Variants in ABCC11 observed in about 807,000 individuals in gnomAD.
ABCC11 encodes ATP binding cassette subfamily C member 11.
A neutral mutation model predicts 149.3 loss-of-function variants in ABCC11; 135 were observed. The ratio of observed to expected loss-of-function variants is 0.90; its 90% confidence interval spans 0.79 to 1.04. ABCC11 has a LOEUF of 1.04. Among genes scored for constraint, ABCC11 ranks in the 50% least tolerant of loss-of-function variants. The probability of loss-of-function intolerance (pLI) is 0.00; values close to 1 mark genes in which losing one functional copy is unlikely to be tolerated. For synonymous variants in ABCC11, 665 were observed against 671.4 expected (o/e 0.99, Z 0.15); for missense variants, 1,680 against 1,722.1 (o/e 0.98, Z 0.43).
At chr16:48,231,734 G>A in intron 2 of ABCC11, 89 bp downstream of exon 2, 1 of 1,527,542 alleles carries the variant, frequency 6.5e-7, no homozygotes. Flanking sequence ...AATAAGTATG[G>A]GAAGAAATTG....
intron 1 of ABCC11, among the ~76,000 whole-genome samples, chr16:48,242,973 C>G (rs562720343): frequency 5.2e-4 from 79 of 151,854 alleles, no homozygotes; most frequent in African/African-American, 1.9e-3. Flanking sequence ...GTGAGTGCAG[C>G]AAACCAACAT....
chr16:48,194,740 G>A (rs896928708), intron 18 of ABCC11, among the ~76,000 whole-genome samples: 7 of 152,184 alleles, frequency 4.6e-5, no homozygotes, highest in Non-Finnish European at 4.4e-5. Flanking sequence ...AGGACACAGC[G>A]TTCAAGGCGC....
chr16:48,169,866 G>A (rs1965589013), intron 28 of ABCC11, among the ~76,000 whole-genome samples: 1 of 152,076 alleles, frequency 6.6e-6, no homozygotes, highest in Non-Finnish European at 1.5e-5. Context: ...GTATACATAT[G>A]TAACAAACCT....
intron 1 of ABCC11, among the ~76,000 whole-genome samples, chr16:48,238,934 TAAAAAAA>T (rs3048246): frequency 8.1e-4 from 33 of 40,572 alleles, no homozygotes; most frequent in African/African-American, 3.6e-3. Flanking sequence ...AGACTCTGTC[TAAAAAAA>T]AAAAAAAAAA....
In ABCC11 at chr16:48,227,875, C is replaced by A; in HGVS notation, c.326G>T (p.Arg109Leu). Residue 109 changes from arginine (R) to leucine (L), a missense_variant, in exon 4 of 30, where the codon CGG becomes CTG. Physicochemically the swap from Arg to Leu is moderately radical, Grantham distance 102 (BLOSUM62 -2). Transcript: ENST00000356608. ...WLTPLMIQSL[R>L]SRLDENTIPP... ...GATGGTGTTCTCATCTAAGCGACTC[C>A]GTAAGCTTTGGATCATGAGCGGGGT... 1 of 1,614,046 alleles carries A rather than the reference C, an allele frequency of 6.2e-7. No individual in the cohort carries two copies. The highest frequency in any genetic ancestry group is 1.1e-5 in the South Asian group (1 of 91,074).
intron 1 of ABCC11, among the ~76,000 whole-genome samples, chr16:48,234,759 G>T (rs183597803): frequency 7.2e-5 from 11 of 152,284 alleles, no homozygotes; most frequent in Admixed American, 6.5e-4. Context: ...GTGGGACAGG[G>T]GAGGCCTAGC....
intron 2 of ABCC11, among the ~76,000 whole-genome samples, 166 bp from the exon 3 acceptor site, chr16:48,230,739 G>A (rs960411136): frequency 6.6e-6 from 1 of 151,894 alleles, no homozygotes; most frequent in Non-Finnish European, 1.5e-5. Flanking sequence ...CAGGGCAACT[G>A]GATCCCAGCA....
chr16:48,178,822 G>T, intron 23 of ABCC11, 136 bp from the exon 24 acceptor site: 1 of 750,690 alleles, frequency 1.3e-6, no homozygotes, highest in East Asian at 2.7e-5. Flanking sequence ...AGCAAGAATG[G>T]AGCAGAGGCC....
At position 48,166,991 on chromosome 16, in the gene ABCC11, T is replaced by C. The variant is rs1965370304; in HGVS notation, c.*283A>G. The stretch of plus-strand genomic sequence containing the variant: ...AACACAGATCAGAAAACTATAAGCT[T>C]TTACCTTATTATAAAATTATTCAGC... On this transcript the variant is annotated 3_prime_UTR_variant, in exon 30 of 30. Coordinates refer to ENST00000356608, the MANE Select transcript of ABCC11 (RefSeq NM_001370497.1). 2.4e-6 allele frequency: 1 copy of C among 415,310 alleles called. No homozygotes were observed. The highest frequency in any genetic ancestry group is 4.4e-6 in the Non-Finnish European group (1 of 228,424). The allele number at this position is 415,310 out of a possible 1,614,324, so 25.7% of individuals were successfully genotyped here.
intron 23 of ABCC11, among the ~76,000 whole-genome samples, chr16:48,179,586 A>G (rs968843019): frequency 2.0e-5 from 3 of 152,190 alleles, no homozygotes; most frequent in African/African-American, 4.8e-5. Flanking sequence ...TCCATGTCCC[A>G]AAGTGCAGCA....
intron 20 of ABCC11, among the ~76,000 whole-genome samples, chr16:48,191,993 A>G (rs572571495): frequency 6.6e-6 from 1 of 152,262 alleles, no homozygotes; most frequent in East Asian, 1.9e-4. Context: ...TAATAATAAA[A>G]TAAAGTTGGC....
chr16:48,193,169 C>A (rs1283640514), intron 19 of ABCC11, among the ~76,000 whole-genome samples: 1 of 152,174 alleles, frequency 6.6e-6, no homozygotes, highest in East Asian at 1.9e-4. Context: ...TCACCCACTT[C>A]AGTTCAGCTG....
chr16:48,188,077 A>G (rs1966841454), intron 20 of ABCC11, among the ~76,000 whole-genome samples: 1 of 152,180 alleles, frequency 6.6e-6, no homozygotes. Flanking sequence ...AAACTTCTGT[A>G]TAAACTGTCC....
chr16:48,216,395 G>A, intron 6 of ABCC11, 108 bp from the exon 7 acceptor site: 1 of 1,109,626 alleles, frequency 9.0e-7, no homozygotes, highest in South Asian at 1.5e-5. Context: ...TTGAAAGGAA[G>A]GGTGGAAGAG....
chr16:48,230,206 T>C (rs769225497), intron 3 of ABCC11, among the ~76,000 whole-genome samples: 4 of 152,244 alleles, frequency 2.6e-5, no homozygotes, highest in Non-Finnish European at 5.9e-5. Context: ...TCCCCTGTGA[T>C]GTAGCACAGT....
At chr16:48,244,391 G>A in intron 1 of ABCC11, 1 of 1,546,726 alleles carries the variant, frequency 6.5e-7, no homozygotes, top group Non-Finnish European at 8.7e-7. Flanking sequence ...CTGCCAGCAT[G>A]TCATCAGTGA....
chr16:48,202,640 G>T (rs1968089511), intron 14 of ABCC11, among the ~76,000 whole-genome samples: 1 of 151,608 alleles, frequency 6.6e-6, no homozygotes, highest in Non-Finnish European at 1.5e-5. Context: ...AGAAGAAGAA[G>T]AATTAAGAGA....
chr16:48,177,095 G>A lies in ABCC11; in HGVS notation c.3367C>T (p.Pro1123Ser). Residue 1123 changes from proline (P) to serine (S), a missense_variant, in exon 25 of 30, where the codon CCT (proline) becomes TCT (serine). Coordinates refer to ENST00000356608, the MANE Select transcript of ABCC11 (RefSeq NM_001370497.1). ...CAACTTGTGCCTTCCATGTGTAAAG[G>A]AGCTTCCGAGACACACATCTTGTTT... ...QYMKMCVSEA[P>S]LHMEGTSCPQ... The A allele has an allele frequency of 6.2e-7, 1 of 1,613,368 alleles. No individual in the cohort carries two copies. Among genetic ancestry groups the A allele is most frequent in the Non-Finnish European group, 8.5e-7 (1 of 1,179,692 alleles).
intron 20 of ABCC11, among the ~76,000 whole-genome samples, chr16:48,191,402 T>C (rs1966912834): frequency 6.6e-6 from 1 of 152,034 alleles, no homozygotes; most frequent in Non-Finnish European, 1.5e-5. Context: ...GGCATGGTGG[T>C]GTGCCCCTGT....
Sources: allele counts gnomAD v4.1 joint callset (sites outside exome capture counted in the v4.1 genomes callset), GRCh38; gene constraint gnomAD v4.1.1; transcripts MANE v1.5; gene names NCBI Gene and HGNC (gene_info 2026-07-23, HGNC 2026-07-21).